The following ZDHHC17 variants were observed in gnomAD, a reference collection of about 807,000 sequenced individuals.
The protein encoded by ZDHHC17 is zDHHC palmitoyltransferase 17.
A neutral mutation model predicts 90.3 loss-of-function variants in ZDHHC17; 40 were observed. The ratio of observed to expected loss-of-function variants is 0.44; its 90% CI spans 0.34 to 0.58. The LOEUF (loss-of-function observed/expected upper bound fraction) is 0.58. Among genes scored for constraint, ZDHHC17 ranks in the 20% least tolerant of loss-of-function variants. ZDHHC17 has a pLI of 0.01. For synonymous variants in ZDHHC17, 235 were observed against 252.4 expected, an observed-to-expected ratio of 0.93 and a Z score of 0.65; for missense variants, 614 against 780.8, an observed-to-expected ratio of 0.79 and a Z score of 2.55.
chr12:76,831,040 G>GATATAGTTTTCATTTTGTAAATGA (rs569568240), intron 10 of ZDHHC17, among the ~76,000 whole-genome samples: 1,670 of 152,212 alleles, frequency 0.011, 11 homozygotes, highest in Non-Finnish European at 0.017. Flanking sequence ...AAAATAGATT[G>GATATAGTTTTCATTTTGTAAATGA]ATATAGTTTT....
chr12:76,794,390 C>T (rs1952795259), intron 1 of ZDHHC17, among the ~76,000 whole-genome samples: 1 of 152,122 alleles, frequency 6.6e-6, no homozygotes, highest in Non-Finnish European at 1.5e-5. Context: ...AGAGTGTTGT[C>T]ATTTGTCACA....
At chr12:76,789,159 A>G (rs909299096) in intron 1 of ZDHHC17, among the ~76,000 whole-genome samples, 3 of 152,232 alleles carry the variant, frequency 2.0e-5, no homozygotes, top group African/African-American at 7.2e-5. Flanking sequence ...ATACTCTTTA[A>G]GAATCCGTCT....
chr12:76,805,891 A>C (rs202108905), intron 3 of ZDHHC17, among the ~76,000 whole-genome samples: 1 of 152,218 alleles, frequency 6.6e-6, no homozygotes, highest in East Asian at 1.9e-4. Flanking sequence ...AATAGGTAAT[A>C]ATAATCTGAT....
chr12:76,828,335 C>A, intron 9 of ZDHHC17, 55 bp from the exon 10 acceptor site: 1 of 1,373,024 alleles, frequency 7.3e-7, no homozygotes, highest in Non-Finnish European at 9.9e-7. Context: ...TAAATAAATA[C>A]TCATTTTTAC....
intron 3 of ZDHHC17, 75 bp from the exon 4 acceptor site, chr12:76,808,968 T>C (rs182338552): frequency 1.1e-6 from 1 of 900,234 alleles, no homozygotes; most frequent in African/African-American, 1.8e-5. Context: ...AAAACATGTA[T>C]TTACATATTT....
chr12:76,812,582 A>T (rs1034916168), intron 5 of ZDHHC17, among the ~76,000 whole-genome samples: 1 of 151,900 alleles, frequency 6.6e-6, no homozygotes. Context: ...AATGTTAACT[A>T]TGTTCTGATA....
intron 1 of ZDHHC17, among the ~76,000 whole-genome samples, chr12:76,773,874 C>G (rs886211915): frequency 1.3e-5 from 2 of 152,164 alleles, no homozygotes; most frequent in Non-Finnish European, 2.9e-5. Flanking sequence ...AATAATAAAA[C>G]TACATTTCCA....
intron 14 of ZDHHC17, among the ~76,000 whole-genome samples, chr12:76,847,440 G>A (rs1953507713): frequency 6.6e-6 from 1 of 152,238 alleles, no homozygotes; most frequent in Non-Finnish European, 1.5e-5. Flanking sequence ...TTAATAGGAA[G>A]ATTTGGTCAA....
intron 1 of ZDHHC17, chr12:76,781,535 A>G (rs1349286263): frequency 6.7e-6 from 3 of 445,212 alleles, no homozygotes; most frequent in Non-Finnish European, 1.3e-5. Flanking sequence ...TTGTTACTCG[A>G]GAGTGGGTGG....
At position 76,764,365 on chromosome 12, in the gene ZDHHC17, G is replaced by A. The variant is rs1045991533; in HGVS notation, c.93+36G>A. 8 of 1,538,892 alleles carry A rather than the reference G, an allele frequency of 5.2e-6. No homozygotes were observed. The African/African-American group carries it at 8.2e-5, about 16-fold the overall frequency. The stretch of plus-strand genomic sequence containing the variant: ...GTGCTGAGTGGATTCCTTGCCCTGC[G>A]GCCCTCCAGCCTTTCTTCCCCGGAC... On this transcript the variant is annotated intron_variant, in intron 1 of 16. Transcript: ENST00000426126.
At position 76,822,501 on chromosome 12, in the gene ZDHHC17, G is replaced by A. The variant is rs17813975; in HGVS notation, c.867G>A (p.Pro289=). Residue 289 remains proline, a synonymous_variant, in exon 8 of 17, where the codon CCG becomes CCA. Coordinates refer to ENST00000426126, the MANE Select transcript of ZDHHC17 (RefSeq NM_015336.4). ...GGCAAGCAAAAGGATATGACAATCC[G>A]TCCTTCCTTAGAAAGCTGAAAGCTG... is the stretch of plus-strand genomic sequence containing the variant. ...EARQAKGYDN[P]SFLRKLKADK... is the part of the protein sequence containing the mutation. 287,560 of 1,606,792 alleles carry A rather than the reference G, an allele frequency of 0.18. 28,261 individuals are homozygous for A. Among genetic ancestry groups the A allele is most frequent in the Non-Finnish European group, 0.2 (237,987 of 1,176,032 alleles).
chr12:76,834,372 C>A (rs1953339599), intron 10 of ZDHHC17, among the ~76,000 whole-genome samples: 1 of 152,082 alleles, frequency 6.6e-6, no homozygotes, highest in Non-Finnish European at 1.5e-5. Flanking sequence ...TTCAATGTGG[C>A]TTTAAGTTAA....
chr12:76,821,872 G>A (rs936779430), intron 7 of ZDHHC17, among the ~76,000 whole-genome samples: 3 of 151,738 alleles, frequency 2.0e-5, no homozygotes, highest in African/African-American at 7.3e-5. Flanking sequence ...ATCATTTCTC[G>A]TTTACTTTGG....
In ZDHHC17 at chr12:76,833,881, A is replaced by G. The variant is rs758651570; in HGVS notation, c.1141+5391A>G. Among the ~76,000 whole-genome samples, 20 of 152,218 alleles carry G rather than the reference A, an allele frequency of 1.3e-4. 1 individual carries two copies. The highest frequency in any genetic ancestry group is 2.9e-5 in the Non-Finnish European group (2 of 68,034). ...GATGTAAGACCAAAGATTTATTTAC[A>G]AGGATGTTTCTCTTCGTATTATTTA... On this transcript the variant is annotated intron_variant, in intron 10 of 16. Coordinates refer to ENST00000426126, the MANE Select transcript of ZDHHC17 (RefSeq NM_015336.4).
At chr12:76,841,933 A>T in intron 10 of ZDHHC17, 49 bp from the exon 11 acceptor site, 1 of 1,348,968 alleles carries the variant, frequency 7.4e-7, no homozygotes, top group Non-Finnish European at 9.6e-7. Flanking sequence ...TTTATATATA[A>T]TAGTAATTCA....
intron 9 of ZDHHC17, among the ~76,000 whole-genome samples, chr12:76,827,296 A>C (rs1202563196): frequency 6.6e-6 from 1 of 152,168 alleles, no homozygotes; most frequent in Non-Finnish European, 1.5e-5. Flanking sequence ...GAAATATTTG[A>C]AATATTTCAG....
chr12:76,769,619 A>T (rs1330621563), intron 1 of ZDHHC17, among the ~76,000 whole-genome samples: 1 of 152,170 alleles, frequency 6.6e-6, no homozygotes, highest in African/African-American at 2.4e-5. Flanking sequence ...CAAAAATGTT[A>T]TAGGTCATAT....
At chr12:76,771,560 T>TAAAAA (rs1298864972) in intron 1 of ZDHHC17, among the ~76,000 whole-genome samples, 8 of 152,202 alleles carry the variant, frequency 5.3e-5, no homozygotes, top group Non-Finnish European at 1.0e-4. Context: ...GGCTTGCATT[T>TAAAAA]TTATCAGTTG....
At chr12:76,764,562 A>T (rs1952408295) in intron 1 of ZDHHC17, 1 of 574,996 alleles carries the variant, frequency 1.7e-6, no homozygotes, top group African/African-American at 1.9e-5. Flanking sequence ...CTGTGCCTGG[A>T]GGACAGAGGT....
Sources: gnomAD v4.1 joint callset for allele counts (sites outside exome capture counted in the v4.1 genomes callset) on GRCh38, gnomAD v4.1.1 for gene constraint, MANE v1.5 for transcripts, NCBI Gene and HGNC (gene_info 2026-07-23, HGNC 2026-07-21) for gene names.